The following HOXC4 variants were observed in gnomAD, a reference collection of about 807,000 sequenced individuals.
HOXC4 encodes homeobox C4.
In HOXC4, 15 loss-of-function variants were observed where a neutral mutation model predicts 25.5. The observed-to-expected ratio is 0.59, with a 90% CI of 0.39 to 0.91. HOXC4 has a LOEUF of 0.91. Ranked by LOEUF, HOXC4 falls within the 40% of genes least tolerant of loss-of-function variation. The pLI, the probability that HOXC4 is intolerant of heterozygous loss-of-function variation, is 0.00. For missense variants in HOXC4, 342 were observed against 352.4 expected (o/e 0.97, Z 0.24); for synonymous variants, 165 against 148.0 (o/e 1.11, Z -0.83).
In HOXC4 at chr12:54,055,262, A is replaced by C; in HGVS notation, c.*57A>C. ...GCCCCCACCCTCCCCTCACACACAA[A>C]TTGACTCTTATTTATAGAATTTAAT... On this transcript the variant is annotated 3_prime_UTR_variant, in exon 2 of 2. Coordinates refer to ENST00000430889, the MANE Select transcript of HOXC4 (RefSeq NM_153633.3). 3.4e-6 allele frequency: 2 copies of C among 595,516 alleles called. No individual in the cohort carries two copies. Among genetic ancestry groups the C allele is most frequent in the Non-Finnish European group, 5.4e-6 (2 of 368,422 alleles). 36.9% of individuals were successfully genotyped at this position (595,516 alleles called of 1,614,324 possible). A position where few individuals can be genotyped will look rare whatever the true frequency, so the allele number is the denominator to read the frequency against.
chr12:54,044,918 G>A (rs1490048782), intron 1 of HOXC4, among the ~76,000 whole-genome samples: 3 of 152,098 alleles, frequency 2.0e-5, no homozygotes, highest in African/African-American at 7.2e-5. Context: ...AAAGTTAAGA[G>A]CCCTCTAATT....
chr12:54,043,918 C>CTGTGTGTG lies in HOXC4; in HGVS notation c.-123-9200_-123-9193dup, dbSNP rs71444829. On this transcript the variant is annotated intron_variant, in intron 1 of 3. Transcript: ENST00000303406. ...CAACTTTCTGGCTGGAAAACACAGG[C>CTGTGTGTG]TGTGTGTGTGTGTGTGTGTGTGTGT... 5.3e-3 allele frequency among the ~76,000 whole-genome samples: 678 copies of CTGTGTGTG among 127,338 alleles called. 4 individuals carry two copies. Among genetic ancestry groups the CTGTGTGTG allele is most frequent in the Middle Eastern group, 0.012 (3 of 258 alleles). The allele number at this position is 127,338 out of a possible 152,430, so 83.5% of individuals were successfully genotyped here.
intron 1 of HOXC4, chr12:54,033,510 G>A: frequency 6.9e-6 from 11 of 1,586,756 alleles, no homozygotes; most frequent in Non-Finnish European, 8.5e-6. Flanking sequence ...GCAGCCCGCC[G>A]GACTGAGCCA....
intron 1 of HOXC4, chr12:54,021,221 C>T (rs1940420989): frequency 6.6e-6 from 1 of 152,298 alleles, no homozygotes; most frequent in Admixed American, 6.5e-5. Context: ...CCGCCCCAGC[C>T]CGATTTGCCT....
rs560995269 is a variant in HOXC4, at chr12:54,031,940, G to C, written c.-124+14526G>C. The stretch of plus-strand genomic sequence containing the variant: ...TGAACCTTATGGATTCAGGTCCCTG[G>C]AAAGCCTAGCCCAGAGACCTTTTCC... On this transcript the variant is annotated intron_variant, in intron 1 of 3. Coordinates refer to the HOXC4 transcript ENST00000303406. Among the ~76,000 whole-genome samples the C allele has an allele frequency of 6.6e-5, 10 of 152,308 alleles. No homozygotes were observed. In the South Asian group the frequency reaches 1.9e-3, roughly 28 times the overall value.
At chr12:54,039,506 T>C (rs1048400623) in intron 1 of HOXC4, among the ~76,000 whole-genome samples, 2 of 152,022 alleles carry the variant, frequency 1.3e-5, no homozygotes, top group Non-Finnish European at 2.9e-5. Flanking sequence ...CGGCCAAGAT[T>C]CAGCCTCCCC....
At chr12:54,027,888 T>G (rs1735703060) in intron 1 of HOXC4, among the ~76,000 whole-genome samples, 1 of 152,122 alleles carries the variant, frequency 6.6e-6, no homozygotes, top group South Asian at 2.1e-4. Flanking sequence ...TTTATGAAAT[T>G]TCTTTCTACT....
chr12:54,042,036 T>C (rs1471807126), intron 1 of HOXC4, among the ~76,000 whole-genome samples: 1 of 144,988 alleles, frequency 6.9e-6, no homozygotes, highest in African/African-American at 2.6e-5. Context: ...TATAGTGCAA[T>C]GGCAGGATCT....
chr12:54,052,236 G>A (rs549932500), upstream of HOXC4, among the ~76,000 whole-genome samples: 230 of 152,296 alleles, frequency 1.5e-3, 3 homozygotes, highest in South Asian at 1.4e-3. Context: ...CGCCGCCGCC[G>A]ACACAAAGAG....
chr12:54,027,297 T>A (rs1940762418), intron 1 of HOXC4, among the ~76,000 whole-genome samples: 1 of 152,210 alleles, frequency 6.6e-6, no homozygotes, highest in South Asian at 2.1e-4. Context: ...CTTTCTGAAG[T>A]CTCCAAGCCT....
At chr12:54,029,180 G>A (rs2136437553) in intron 1 of HOXC4, among the ~76,000 whole-genome samples, 1 of 152,324 alleles carries the variant, frequency 6.6e-6, no homozygotes, top group East Asian at 1.9e-4. Flanking sequence ...AGGGGATGAG[G>A]GGAGGGAGCA....
rs1334808312 is a variant in HOXC4, at chr12:54,054,924, G to C, written c.514G>C (p.Glu172Gln). The C allele has an allele frequency of 6.2e-7, 1 of 1,614,008 alleles. No individual in the cohort carries two copies. Among genetic ancestry groups the C allele is most frequent in the African/African-American group, 1.3e-5 (1 of 74,958 alleles). Reference sequence around the variant, plus strand: ...TACCCGGCAGCAAGTCCTGGAATTAGAGAAAGAGTTTCATTACAACCGCTA... The same window carrying C: ...TACCCGGCAGCAAGTCCTGGAATTACAGAAAGAGTTTCATTACAACCGCTA... Reference protein sequence around the residue: ...AYTRQQVLELEKEFHYNRYLT... With the variant: ...AYTRQQVLELQKEFHYNRYLT... Residue 172 changes from glutamate to glutamine, a missense_variant, in exon 2 of 2, where the codon GAG becomes CAG. Coordinates refer to ENST00000430889, the MANE Select transcript of HOXC4 (RefSeq NM_153633.3).
intron 1 of HOXC4, among the ~76,000 whole-genome samples, chr12:54,027,025 C>A (rs1405748064): frequency 6.6e-6 from 1 of 151,122 alleles, no homozygotes; most frequent in East Asian, 2.0e-4. Flanking sequence ...CCTTCTTTGT[C>A]AACTCAAGGC....
At chr12:54,034,578 G>C in intron 1 of HOXC4, 2 of 1,180,480 alleles carry the variant, frequency 1.7e-6, no homozygotes, top group East Asian at 2.5e-5. Context: ...TCTATATTTC[G>C]GGTCGGGGGC....
chr12:54,024,298 C>A (rs1940586280), intron 1 of HOXC4, among the ~76,000 whole-genome samples: 3 of 152,190 alleles, frequency 2.0e-5, no homozygotes. Context: ...GCACCCAGGC[C>A]AGGCGCTGAG....
At chr12:54,018,351 G>T (rs1056037318) in intron 1 of HOXC4, among the ~76,000 whole-genome samples, 3 of 152,222 alleles carry the variant, frequency 2.0e-5, no homozygotes, top group Admixed American at 6.5e-5. Context: ...CGCCTCGGGG[G>T]GAGGTGGAAA....
chr12:54,033,214 CAGAGG>C, intron 1 of HOXC4: 1 of 1,614,204 alleles, frequency 6.2e-7, no homozygotes, highest in South Asian at 1.1e-5. Flanking sequence ...GGATCGGCCT[CAGAGG>C]TGCAGGCATC....
chr12:54,018,477 G>A (rs902495090), intron 1 of HOXC4, among the ~76,000 whole-genome samples: 4 of 152,240 alleles, frequency 2.6e-5, no homozygotes, highest in African/African-American at 9.6e-5. Context: ...AGAGGCGTCA[G>A]CCTGGGGCGG....
At chr12:54,019,272 C>T (rs1017047044) in intron 1 of HOXC4, among the ~76,000 whole-genome samples, 1 of 145,526 alleles carries the variant, frequency 6.9e-6, no homozygotes, top group Admixed American at 7.3e-5. Flanking sequence ...AAGCGCTTGG[C>T]TCTCCCCAAA....
Sources: gnomAD v4.1 joint callset for allele counts (sites outside exome capture counted in the v4.1 genomes callset) on GRCh38, gnomAD v4.1.1 for gene constraint, MANE v1.5 for transcripts, NCBI Gene and HGNC (gene_info 2026-07-23, HGNC 2026-07-21) for gene names.